The following YWHAG variants were observed in gnomAD, a reference collection of about 807,000 sequenced individuals.
YWHAG encodes the protein 14-3-3 protein gamma.
YWHAG carries 1 observed loss-of-function variant against 23.3 expected under a neutral mutation model. That is an observed-to-expected ratio of 0.04 (90% CI 0.02 to 0.20). The LOEUF (loss-of-function observed/expected upper bound fraction) is 0.20. Ranked by LOEUF, YWHAG falls within the 10% of genes least tolerant of loss-of-function variation. The pLI is 1.00. For missense variants in YWHAG, 151 were observed against 338.6 expected, an observed-to-expected ratio of 0.45 and a Z score of 4.35; for synonymous variants, 160 against 144.0, an observed-to-expected ratio of 1.11 and a Z score of -0.80.
intron 1 of YWHAG, among the ~76,000 whole-genome samples, chr7:76,348,228 G>GA (rs937285294): frequency 6.2e-5 from 9 of 144,084 alleles, no homozygotes; most frequent in African/African-American, 2.3e-4. Flanking sequence ...CCCTTTTCTA[G>GA]AAAAAACAAA....
In YWHAG at chr7:76,354,284, G is replaced by A. The variant is rs1430345885; in HGVS notation, c.87+4438C>T. Among the ~76,000 whole-genome samples the A allele has an allele frequency of 3.9e-5, 6 of 152,292 alleles. No homozygotes were observed. In the East Asian group the frequency reaches 1.2e-3, roughly 29 times the overall value. ...CCAGCACTTTGGGAGGCTGAGGTGGGCAGATCACCTGAAGTCAGGAGTTCG... is the reference window on the plus strand; with the variant it reads ...CCAGCACTTTGGGAGGCTGAGGTGGACAGATCACCTGAAGTCAGGAGTTCG... On this transcript the variant is annotated intron_variant, in intron 1 of 1. Transcript: ENST00000307630.
chr7:76,347,588 GCAAA>G (rs869230689), intron 1 of YWHAG, among the ~76,000 whole-genome samples: 1 of 96,658 alleles, frequency 1.0e-5, no homozygotes, highest in South Asian at 3.2e-4. Context: ...ATCAGTGTCA[GCAAA>G]CAAACAAACA....
chr7:76,344,494 T>C (rs1203346724), intron 1 of YWHAG, among the ~76,000 whole-genome samples: 2 of 152,144 alleles, frequency 1.3e-5, no homozygotes, highest in Admixed American at 6.6e-5. Flanking sequence ...GTTCCAGCAC[T>C]CCCATGGCTG....
intron 1 of YWHAG, among the ~76,000 whole-genome samples, chr7:76,337,597 T>A (rs1009446098): frequency 6.7e-6 from 1 of 149,842 alleles, no homozygotes. Flanking sequence ...TGCAGTGGTG[T>A]GATCTCGGCT....
At chr7:76,353,690 T>C (rs529594479) in intron 1 of YWHAG, among the ~76,000 whole-genome samples, 14 of 152,296 alleles carry the variant, frequency 9.2e-5, no homozygotes, top group African/African-American at 3.4e-4. Flanking sequence ...TTGGGGAAGA[T>C]ACAGAAAAAT....
intron 1 of YWHAG, among the ~76,000 whole-genome samples, chr7:76,345,339 C>A (rs1406076751): frequency 6.6e-6 from 1 of 152,054 alleles, no homozygotes; most frequent in African/African-American, 2.4e-5. Flanking sequence ...GCACCCGCCA[C>A]AATGCCCAGC....
At chr7:76,349,071 G>C (rs1379664450) in intron 1 of YWHAG, among the ~76,000 whole-genome samples, 1 of 152,048 alleles carries the variant, frequency 6.6e-6, no homozygotes, top group Non-Finnish European at 1.5e-5. Flanking sequence ...GGCCGGGTGT[G>C]GTGGCTCATG....
Position 76,329,493 on chromosome 7 carries a change from T to G in YWHAG, c.*84A>C. On this transcript the variant is annotated 3_prime_UTR_variant, in exon 2 of 2. Coordinates refer to ENST00000307630, the MANE Select transcript of YWHAG (RefSeq NM_012479.4). This position sits in a 1 kb window ranked among gnomAD's most constrained non-coding sequence, Gnocchi z 6.1. Reference sequence around the variant, plus strand: ...TGGGAAGGTCATCCCTCCCTTTCCCTCCCCCACCCGACCCCCAACTCATGG... The same window carrying G: ...TGGGAAGGTCATCCCTCCCTTTCCCGCCCCCACCCGACCCCCAACTCATGG... The G allele has an allele frequency of 7.6e-4, 334 of 437,178 alleles. No individual in the cohort carries two copies. Among genetic ancestry groups the G allele is most frequent in the Non-Finnish European group, 1.2e-3 (290 of 235,532 alleles). 27.1% of individuals were successfully genotyped at this position (437,178 alleles called of 1,614,324 possible). A position where few individuals can be genotyped will look rare whatever the true frequency, so the allele number is the denominator to read the frequency against.
In YWHAG at chr7:76,327,051, A is replaced by T. The variant is rs1304086124; in HGVS notation, c.*2526T>A. ...ACACTGTAATAGTTATAATTTCACCATGACAAACACCAGACATTAAGATTA... is the reference window on the plus strand; with the variant it reads ...ACACTGTAATAGTTATAATTTCACCTTGACAAACACCAGACATTAAGATTA... On this transcript the variant is annotated 3_prime_UTR_variant, in exon 2 of 2. Coordinates refer to ENST00000307630, the MANE Select transcript of YWHAG (RefSeq NM_012479.4). 1 of 152,650 alleles carries T rather than the reference A, an allele frequency of 6.6e-6. No homozygotes were observed. The highest frequency in any genetic ancestry group is 2.4e-5 in the African/African-American group (1 of 41,466). 9.5% of individuals were successfully genotyped at this position (152,650 alleles called of 1,614,324 possible).
intron 1 of YWHAG, among the ~76,000 whole-genome samples, chr7:76,352,966 A>G (rs762129821): frequency 1.3e-5 from 2 of 152,096 alleles, no homozygotes; most frequent in Non-Finnish European, 2.9e-5. Context: ...CCAAAACTTA[A>G]TGCCATGCAG....
chr7:76,339,195 C>T (rs866257241), intron 1 of YWHAG, among the ~76,000 whole-genome samples: 1 of 152,074 alleles, frequency 6.6e-6, no homozygotes, highest in South Asian at 2.1e-4. Context: ...ATAGGCTGGG[C>T]GCGGTGGCTC....
At chr7:76,335,356 T>A (rs1383801535) in intron 1 of YWHAG, among the ~76,000 whole-genome samples, 5 of 152,310 alleles carry the variant, frequency 3.3e-5, no homozygotes, top group African/African-American at 1.2e-4. Context: ...GCGCCCGGCC[T>A]CAAATTTCTT....
At chr7:76,349,219 G>A (rs1158571572) in intron 1 of YWHAG, among the ~76,000 whole-genome samples, 1 of 151,596 alleles carries the variant, frequency 6.6e-6, no homozygotes, top group South Asian at 2.1e-4. Context: ...GTGGGCGCCT[G>A]TAGTCCCAGC....
chr7:76,334,339 T>C (rs1803587450), intron 1 of YWHAG, among the ~76,000 whole-genome samples: 1 of 152,212 alleles, frequency 6.6e-6, no homozygotes, highest in Non-Finnish European at 1.5e-5. Flanking sequence ...CAAGACAGAA[T>C]GACAGAATGA....
chr7:76,332,897 T>C (rs1803565933), intron 1 of YWHAG, among the ~76,000 whole-genome samples: 1 of 152,068 alleles, frequency 6.6e-6, no homozygotes, highest in African/African-American at 2.4e-5. Flanking sequence ...AGAGACAGCG[T>C]TTTGCCATGT....
chr7:76,352,342 C>G (rs377333679), intron 1 of YWHAG, among the ~76,000 whole-genome samples: 6 of 152,184 alleles, frequency 3.9e-5, no homozygotes, highest in Non-Finnish European at 8.8e-5. Context: ...TCCCTGCCCA[C>G]GGCAGCTGCT....
chr7:76,357,523 G>A (rs1490920731), intron 1 of YWHAG, among the ~76,000 whole-genome samples: 11 of 152,064 alleles, frequency 7.2e-5, no homozygotes. Flanking sequence ...CTGGTTGACA[G>A]CCCATTAGAT....
At chr7:76,335,203 G>T (rs564732003) in intron 1 of YWHAG, among the ~76,000 whole-genome samples, 6 of 152,108 alleles carry the variant, frequency 3.9e-5, no homozygotes, top group Non-Finnish European at 8.8e-5. Context: ...GATTACAGGC[G>T]TGTGCCACTA....
At chr7:76,354,058 C>CAAAAAAAAAAAAA (rs750620902) in intron 1 of YWHAG, among the ~76,000 whole-genome samples, 1 of 49,198 alleles carries the variant, frequency 2.0e-5, no homozygotes, top group Admixed American at 2.3e-4. Context: ...GACCTTGCCT[C>CAAAAAAAAAAAAA]AAAAAAAAAA....
Sources: allele counts gnomAD v4.1 joint callset (sites outside exome capture counted in the v4.1 genomes callset), GRCh38; gene constraint gnomAD v4.1.1; non-coding constraint Gnocchi (gnomAD v3.1); transcripts MANE v1.5; gene names NCBI Gene and HGNC (gene_info 2026-07-23, HGNC 2026-07-21).